The following LARP4B variants were observed in gnomAD, a reference collection of about 807,000 sequenced individuals.
LARP4B encodes la-related protein 4B.
In LARP4B, 12 loss-of-function variants were observed where a neutral mutation model predicts 89.8. The observed-to-expected ratio is 0.13, with a 90% CI of 0.09 to 0.22. LARP4B has a LOEUF of 0.22. Among genes scored for constraint, LARP4B ranks in the 10% least tolerant of loss-of-function variants. The pLI, the probability that LARP4B is intolerant of heterozygous loss-of-function variation, is 1.00. For missense variants in LARP4B, 757 were observed against 947.7 expected (o/e 0.80, Z 2.64); for synonymous variants, 367 against 363.3 (o/e 1.01, Z -0.12).
intron 3 of LARP4B, among the ~76,000 whole-genome samples, chr10:881,234 T>G (rs188708251): frequency 1.3e-5 from 2 of 152,282 alleles, no homozygotes; most frequent in Admixed American, 1.3e-4. Context: ...GTGGTCACTC[T>G]TCATCATAAA....
chr10:820,174 G>GAGA (rs1161548007), intron 14 of LARP4B: 1 of 152,540 alleles, frequency 6.6e-6, no homozygotes. Context: ...ACTGGCTGTG[G>GAGA]AGAAGTCCAT....
upstream of LARP4B, among the ~76,000 whole-genome samples, chr10:933,315 C>CT (rs1250988800): frequency 1.3e-5 from 2 of 152,128 alleles, no homozygotes; most frequent in Admixed American, 1.3e-4. Flanking sequence ...GATACAGGGT[C>CT]TTGCTCTATG....
Position 861,696 on chromosome 10 carries a change from G to A in LARP4B, c.430+2047C>T, listed in dbSNP as rs11253476. Among the ~76,000 whole-genome samples, 953 of 152,190 alleles carry A rather than the reference G, an allele frequency of 6.3e-3. 16 individuals carry two copies. Among genetic ancestry groups the A allele is most frequent in the African/African-American group, 0.022 (898 of 41,522 alleles). ...CCTGTCTTCAGGCAGATTTTCACAAGTTATTTCACTGTTGATAACATTACC... is the reference window on the plus strand; with the variant it reads ...CCTGTCTTCAGGCAGATTTTCACAAATTATTTCACTGTTGATAACATTACC... On this transcript the variant is annotated intron_variant, in intron 5 of 17. Coordinates refer to ENST00000316157, the MANE Select transcript of LARP4B (RefSeq NM_015155.3).
intron 1 of LARP4B, among the ~76,000 whole-genome samples, chr10:908,823 C>G (rs1464949355): frequency 6.6e-6 from 1 of 152,156 alleles, no homozygotes; most frequent in Non-Finnish European, 1.5e-5. Context: ...CATCTACAAA[C>G]AAGAAAAGGA....
intron 1 of LARP4B, among the ~76,000 whole-genome samples, chr10:919,265 G>C (rs1836914453): frequency 6.6e-6 from 1 of 152,166 alleles, no homozygotes; most frequent in Admixed American, 6.6e-5. Context: ...CCAAGGTGCT[G>C]CACAGAACGC....
downstream of LARP4B, chr10:809,132 G>A (rs1831649943): frequency 6.6e-6 from 1 of 152,240 alleles, no homozygotes; most frequent in Non-Finnish European, 1.5e-5. Flanking sequence ...CCTCCCGCCA[G>A]CCTCTTCCTA....
intron 7 of LARP4B, among the ~76,000 whole-genome samples, chr10:837,963 T>TA (rs968586955): frequency 1.3e-5 from 2 of 151,958 alleles, no homozygotes; most frequent in South Asian, 2.1e-4. Flanking sequence ...GCTGTACACT[T>TA]AGAGAGCATA....
At chr10:949,317 C>T in the LARP4B span, among the ~76,000 whole-genome samples, 37 of 146,112 alleles carry the variant, frequency 2.5e-4, no homozygotes, top group African/African-American at 8.9e-4. Flanking sequence ...ACCAGCCCCG[C>T]GTGAGTGAGT....
At chr10:988,296 T>C in the LARP4B span, 1 of 611,330 alleles carries the variant, frequency 1.6e-6, no homozygotes, top group Non-Finnish European at 3.0e-6. Context: ...ACGCCCTCCG[T>C]GGCTGACCTC....
intron 15 of LARP4B, 31 bp downstream of exon 15, chr10:817,694 G>A: frequency 6.3e-7 from 1 of 1,594,064 alleles, no homozygotes; most frequent in South Asian, 1.1e-5. Flanking sequence ...GACACTGTTG[G>A]CAACTATTAG....
rs142009807 is a variant in LARP4B at position 926,731 on chromosome 10, C to T, written c.-40+4697G>A. Among the ~76,000 whole-genome samples the T allele has an allele frequency of 4.0e-4, 61 of 152,324 alleles. No homozygotes were observed. The East Asian group carries it at 8.9e-3, about 22-fold the overall frequency. ...ACTCCCCCTAAAAAACTAAGCAGTA[C>T]GCTTTCAAATTTGTGTTAAACATGG... is the stretch of plus-strand genomic sequence containing the variant. On this transcript the variant is annotated intron_variant, in intron 1 of 17. Coordinates refer to ENST00000316157, the MANE Select transcript of LARP4B (RefSeq NM_015155.3).
At chr10:832,918 T>G (rs1317980261) in intron 8 of LARP4B, among the ~76,000 whole-genome samples, 1 of 152,224 alleles carries the variant, frequency 6.6e-6, no homozygotes, top group African/African-American at 2.4e-5. Flanking sequence ...TTTCTTATTT[T>G]TAATCTCTTT....
At chr10:858,868 T>C (rs1014875290) in intron 5 of LARP4B, among the ~76,000 whole-genome samples, 2 of 151,928 alleles carry the variant, frequency 1.3e-5, no homozygotes, top group African/African-American at 4.8e-5. Flanking sequence ...AATCAGAAAA[T>C]AGGCTGGGCG....
intron 3 of LARP4B, among the ~76,000 whole-genome samples, chr10:867,936 T>C (rs1366225322): frequency 1.3e-5 from 2 of 149,960 alleles, no homozygotes; most frequent in Non-Finnish European, 2.9e-5. Flanking sequence ...ATTAAAAATG[T>C]ATGGCTAAGC....
chr10:944,836 C>T, the LARP4B span, among the ~76,000 whole-genome samples: 7 of 152,180 alleles, frequency 4.6e-5, no homozygotes, highest in South Asian at 8.3e-4. Context: ...CTCAAGTCGG[C>T]GTCTAAAGGC....
chr10:823,991 T>C (rs1415709450), intron 13 of LARP4B, among the ~76,000 whole-genome samples: 1 of 152,226 alleles, frequency 6.6e-6, no homozygotes, highest in African/African-American at 2.4e-5. Flanking sequence ...GAGATGCTTC[T>C]GATGCCTCTT....
intron 14 of LARP4B, chr10:818,697 A>T (rs541690338): frequency 1.3e-5 from 2 of 152,376 alleles, no homozygotes; most frequent in Admixed American, 6.5e-5. Context: ...TGGCACAGAA[A>T]GGGGAAATGA....
intron 3 of LARP4B, among the ~76,000 whole-genome samples, chr10:880,457 CGGGCA>C (rs1835623898): frequency 6.6e-6 from 1 of 152,020 alleles, no homozygotes; most frequent in African/African-American, 2.4e-5. Context: ...GAGGCCAAGG[CGGGCA>C]GATCACTTGA....
chr10:983,583 T>C, the LARP4B span, among the ~76,000 whole-genome samples: 1 of 152,158 alleles, frequency 6.6e-6, no homozygotes, highest in African/African-American at 2.4e-5. Flanking sequence ...GGTGCAAGCA[T>C]GGGGTCGGGG....
Sources: gnomAD v4.1 joint callset for allele counts (sites outside exome capture counted in the v4.1 genomes callset) on GRCh38, gnomAD v4.1.1 for gene constraint, MANE v1.5 for transcripts, NCBI Gene and HGNC (gene_info 2026-07-23, HGNC 2026-07-21) for gene names.